NCOA2: variants seen among roughly 807,000 people sequenced by gnomAD.
NCOA2 encodes nuclear receptor coactivator 2.
In NCOA2, 21 loss-of-function variants were observed where a neutral mutation model predicts 145.1. That is an observed-to-expected ratio of 0.14 (90% CI 0.10 to 0.21). The LOEUF (loss-of-function observed/expected upper bound fraction) is 0.21. NCOA2 is among the 10% of genes least tolerant of loss of function. The pLI is 1.00. For missense variants in NCOA2, 1,472 were observed against 1,837.6 expected, an observed-to-expected ratio of 0.80 and a Z score of 3.64; for synonymous variants, 619 against 637.5, an observed-to-expected ratio of 0.97 and a Z score of 0.44.
At chr8:70,178,229 T>C (rs1000326394) in intron 4 of NCOA2, among the ~76,000 whole-genome samples, 1 of 152,214 alleles carries the variant, frequency 6.6e-6, no homozygotes, top group Non-Finnish European at 1.5e-5. Flanking sequence ...ATCAAATATG[T>C]ACAGTATTTT....
At chr8:70,337,015 C>T (rs1054308233) in intron 1 of NCOA2, among the ~76,000 whole-genome samples, 1 of 151,878 alleles carries the variant, frequency 6.6e-6, no homozygotes, top group South Asian at 2.1e-4. Flanking sequence ...AATAGGTGTC[C>T]CACAAATATA....
chr8:70,130,418 C>T (rs566368395), intron 16 of NCOA2, among the ~76,000 whole-genome samples: 3 of 152,248 alleles, frequency 2.0e-5, no homozygotes, highest in South Asian at 2.1e-4. Context: ...AGCAACTCCA[C>T]GGATCACATT....
intron 16 of NCOA2, among the ~76,000 whole-genome samples, chr8:70,129,280 C>T (rs1234632822): frequency 6.6e-6 from 1 of 152,102 alleles, no homozygotes; most frequent in East Asian, 1.9e-4. Flanking sequence ...ACCCACTCCA[C>T]CAATCATATT....
At chr8:70,219,909 C>G (rs1363461502) in intron 2 of NCOA2, among the ~76,000 whole-genome samples, 1 of 152,026 alleles carries the variant, frequency 6.6e-6, no homozygotes, top group Non-Finnish European at 1.5e-5. Context: ...CATTTTTCCC[C>G]CAACTCAAAA....
chr8:70,396,678 C>A (rs1405297433), intron 1 of NCOA2, among the ~76,000 whole-genome samples: 1 of 152,062 alleles, frequency 6.6e-6, no homozygotes, highest in African/African-American at 2.4e-5. Flanking sequence ...AGAGACTATT[C>A]ATGGGTCTTA....
At chr8:70,402,295 G>A (rs1814346829) in intron 1 of NCOA2, 1 of 152,394 alleles carries the variant, frequency 6.6e-6, no homozygotes, top group African/African-American at 2.4e-5. Flanking sequence ...AGGACGAGGT[G>A]GCGGAGGAAG....
chr8:70,156,286 G>C lies in NCOA2; in HGVS notation c.2079C>G (p.Leu693=). 6.2e-7 allele frequency: 1 copy of C among 1,613,948 alleles called. No homozygotes were observed. Among genetic ancestry groups the C allele is most frequent in the Non-Finnish European group, 8.5e-7 (1 of 1,179,880 alleles). The change falls in exon 11 of 23, where the codon CTC becomes CTG. Residue 693 remains leucine, a synonymous_variant. Transcript: ENST00000452400. ...LKEKHKILHR[L]LQDSSSPVDL... ...CCACAGGGGAACTGCTGTCCTGCAAGAGTCTGTGCAAAATTTTATGCTTCT... is the reference window on the plus strand; with the variant it reads ...CCACAGGGGAACTGCTGTCCTGCAACAGTCTGTGCAAAATTTTATGCTTCT...
intron 1 of NCOA2, among the ~76,000 whole-genome samples, chr8:70,352,470 A>G (rs963558727): frequency 1.3e-5 from 2 of 152,222 alleles, no homozygotes; most frequent in African/African-American, 4.8e-5. Flanking sequence ...CAACAGTTAA[A>G]GTTCTACCAA....
chr8:70,110,238 A>C lies in NCOA2; in HGVS notation c.*3394T>G. On this transcript the variant is annotated 3_prime_UTR_variant, in exon 23 of 23. Coordinates refer to ENST00000452400, the MANE Select transcript of NCOA2 (RefSeq NM_006540.4). ...CACTATTCAAACAACATAAAGGTTA[A>C]GTGATGATGCACTTATTCAAAAATT... 5.0e-6 allele frequency: 1 copy of C among 201,116 alleles called. No homozygotes were observed. The highest frequency in any genetic ancestry group is 7.7e-5 in the East Asian group (1 of 12,986). The allele number at this position is 201,116 out of a possible 1,614,324, so 12.5% of individuals were successfully genotyped here.
chr8:70,427,022 T>A, the NCOA2 span, among the ~76,000 whole-genome samples: 1 of 152,186 alleles, frequency 6.6e-6, no homozygotes, highest in Non-Finnish European at 1.5e-5. Flanking sequence ...TGGGCTCAAG[T>A]GATCCTCCAA....
intron 14 of NCOA2, 116 bp downstream of exon 14, chr8:70,141,068 T>C: frequency 9.7e-7 from 1 of 1,034,394 alleles, no homozygotes; most frequent in Non-Finnish European, 1.4e-6. Flanking sequence ...TTATGGCAGC[T>C]TCATGGGAGG....
chr8:70,441,375 AAG>A, the NCOA2 span, among the ~76,000 whole-genome samples: 8 of 123,590 alleles, frequency 6.5e-5, no homozygotes, highest in Non-Finnish European at 1.4e-4. Flanking sequence ...AGGAGAGAGA[AAG>A]AAAGAAGAAA....
At chr8:70,378,832 T>G (rs1249011742) in intron 1 of NCOA2, among the ~76,000 whole-genome samples, 4 of 151,810 alleles carry the variant, frequency 2.6e-5, no homozygotes, top group African/African-American at 7.3e-5. Flanking sequence ...CTAGTAATTG[T>G]GAACACATAT....
chr8:70,418,331 G>T, the NCOA2 span, among the ~76,000 whole-genome samples: 6 of 152,280 alleles, frequency 3.9e-5, no homozygotes, highest in Admixed American at 1.3e-4. Context: ...TAAGACAAGT[G>T]AATTTCATGA....
intron 1 of NCOA2, among the ~76,000 whole-genome samples, chr8:70,325,735 A>G (rs1806499299): frequency 6.6e-6 from 1 of 152,212 alleles, no homozygotes; most frequent in Non-Finnish European, 1.5e-5. Flanking sequence ...GTTTTCACTT[A>G]TACTTTTCAT....
At chr8:70,364,367 C>T (rs1810485368) in intron 1 of NCOA2, among the ~76,000 whole-genome samples, 1 of 152,046 alleles carries the variant, frequency 6.6e-6, no homozygotes, top group South Asian at 2.1e-4. Flanking sequence ...AAAAAAATTA[C>T]TTGGGAAAAA....
At chr8:70,235,619 G>T (rs1394634905) in intron 2 of NCOA2, among the ~76,000 whole-genome samples, 2 of 152,106 alleles carry the variant, frequency 1.3e-5, no homozygotes, top group Non-Finnish European at 2.9e-5. Flanking sequence ...CAAGGCAGGA[G>T]GATCACTCAA....
chr8:70,381,309 CA>C (rs1175990705), intron 1 of NCOA2, among the ~76,000 whole-genome samples: 1 of 152,116 alleles, frequency 6.6e-6, no homozygotes. Flanking sequence ...AGCGTAATAA[CA>C]ACAGAATATT....
At position 70,319,993 on chromosome 8, in the gene NCOA2, T is replaced by C. The variant is rs919176231; in HGVS notation, c.-76-23193A>G. Among the ~76,000 whole-genome samples, 10 of 152,198 alleles carry C rather than the reference T, an allele frequency of 6.6e-5. No homozygotes were observed. In the South Asian group the frequency reaches 1.7e-3, roughly 25 times the overall value. On this transcript the variant is annotated intron_variant, in intron 1 of 22. Transcript: ENST00000452400. ...TGATGATGGGTAGCCTTGTTTTCCA[T>C]GAGCAATTCAAACATAACTATTAAG...
Sources: gnomAD v4.1 joint callset for allele counts (sites outside exome capture counted in the v4.1 genomes callset) on GRCh38, gnomAD v4.1.1 for gene constraint, MANE v1.5 for transcripts, NCBI Gene and HGNC (gene_info 2026-07-23, HGNC 2026-07-21) for gene names.